CDH13: variants seen among roughly 807,000 people sequenced by gnomAD.
The protein encoded by CDH13 is cadherin 13, also known as cadherin-13.
CDH13 carries 24 observed loss-of-function variants against 63.8 expected under a neutral mutation model. That is an observed-to-expected ratio of 0.38 (90% CI 0.27 to 0.53). The LOEUF is 0.53. CDH13 is among the 20% of genes least tolerant of loss of function. The pLI, the probability that CDH13 is intolerant of heterozygous loss-of-function variation, is 0.85. For missense variants in CDH13, 1,049 were observed against 903.1 expected (o/e 1.16, Z -2.07); for synonymous variants, 503 against 355.3 (o/e 1.42, Z -4.67).
intron 13 of CDH13, among the ~76,000 whole-genome samples, chr16:83,785,901 G>A (rs1365102366): frequency 6.6e-6 from 1 of 152,128 alleles, no homozygotes; most frequent in Non-Finnish European, 1.5e-5. Flanking sequence ...CAGGCTCCTG[G>A]ACATTCTAAC....
chr16:82,857,888 C>T (rs143705117), intron 1 of CDH13, among the ~76,000 whole-genome samples: 1 of 152,170 alleles, frequency 6.6e-6, no homozygotes, highest in African/African-American at 2.4e-5. Flanking sequence ...GGTTCATGGT[C>T]ACCATATTGG....
intron 10 of CDH13, among the ~76,000 whole-genome samples, chr16:83,687,686 T>C (rs1461228149): frequency 2.0e-5 from 3 of 152,226 alleles, no homozygotes; most frequent in Non-Finnish European, 4.4e-5. Context: ...ACATTTACAT[T>C]TGGCCTTGTT....
At chr16:83,103,714 C>A (rs1325823974) in intron 3 of CDH13, among the ~76,000 whole-genome samples, 4 of 152,146 alleles carry the variant, frequency 2.6e-5, no homozygotes, top group East Asian at 3.9e-4. Context: ...GCCTCACTTT[C>A]CTCATCTGTA....
intron 8 of CDH13, among the ~76,000 whole-genome samples, chr16:83,646,900 TA>T (rs1911874634): frequency 6.6e-6 from 1 of 152,042 alleles, no homozygotes; most frequent in African/African-American, 2.4e-5. Context: ...CTTCACCTGC[TA>T]ATGAGGCCTG....
chr16:82,820,814 G>A (rs1004575432), intron 1 of CDH13, among the ~76,000 whole-genome samples: 7 of 152,134 alleles, frequency 4.6e-5, no homozygotes, highest in African/African-American at 1.4e-4. Flanking sequence ...GGCCCTGAAG[G>A]TAAATATTCC....
rs574355634 is a variant in CDH13 at position 82,740,815 on chromosome 16, C to G, written c.45+113678C>G. On this transcript the variant is annotated intron_variant, in intron 1 of 13. Coordinates refer to ENST00000567109, the MANE Select transcript of CDH13 (RefSeq NM_001257.5). ...AGTCCAATATCAATGGGGGAACATT[C>G]TGTTTGGAAGAACTTCAAAGCCTCA... is the stretch of plus-strand genomic sequence containing the variant. Among the ~76,000 whole-genome samples the G allele has an allele frequency of 2.9e-4, 44 of 152,298 alleles. No homozygotes were observed. The South Asian group carries it at 8.9e-3, about 31-fold the overall frequency.
chr16:82,822,552 A>T (rs1002581541), intron 1 of CDH13, among the ~76,000 whole-genome samples: 3 of 152,172 alleles, frequency 2.0e-5, no homozygotes, highest in African/African-American at 7.2e-5. Context: ...GCTGGAGTGC[A>T]GTGGTGCGAT....
chr16:83,779,440 T>TAAAAAA (rs1915362976), intron 11 of CDH13, among the ~76,000 whole-genome samples: 5 of 43,698 alleles, frequency 1.1e-4, no homozygotes, highest in East Asian at 5.3e-4. Flanking sequence ...AAAAAAAAAG[T>TAAAAAA]CTTATATATG....
At chr16:82,737,182 G>A (rs926562753) in intron 1 of CDH13, among the ~76,000 whole-genome samples, 1 of 152,230 alleles carries the variant, frequency 6.6e-6, no homozygotes, top group African/African-American at 2.4e-5. Flanking sequence ...CCAAAGGCAT[G>A]TGAACTCATC....
chr16:83,660,993 T>C (rs1159049431), intron 8 of CDH13, among the ~76,000 whole-genome samples: 3 of 152,076 alleles, frequency 2.0e-5, no homozygotes, highest in African/African-American at 7.2e-5. Flanking sequence ...TAATGTAATA[T>C]TTATTTAATC....
chr16:83,279,842 A>ATT (rs35396123), intron 5 of CDH13, among the ~76,000 whole-genome samples: 13,671 of 149,902 alleles, frequency 0.091, 657 homozygotes, highest in Non-Finnish European at 0.11. Context: ...GAGTCACATG[A>ATT]TTTTTTTTTT....
At chr16:83,426,907 C>CTTTCTTTTTTTTT (rs1340492091) in intron 6 of CDH13, among the ~76,000 whole-genome samples, 8 of 63,184 alleles carry the variant, frequency 1.3e-4, no homozygotes, top group Admixed American at 4.4e-4. Flanking sequence ...ATGTTTCTTT[C>CTTTCTTTTTTTTT]TTTTTTTTTT....
chr16:83,505,416 C>A (rs1218551392), intron 7 of CDH13, among the ~76,000 whole-genome samples: 1 of 152,098 alleles, frequency 6.6e-6, no homozygotes, highest in Non-Finnish European at 1.5e-5. Flanking sequence ...TCCCAGCCAG[C>A]CTGATAATGA....
At chr16:82,964,089 G>C (rs1287042359) in intron 2 of CDH13, among the ~76,000 whole-genome samples, 1 of 152,138 alleles carries the variant, frequency 6.6e-6, no homozygotes, top group African/African-American at 2.4e-5. Flanking sequence ...ATGACCCTCA[G>C]ACGCTGGAAC....
At chr16:83,023,004 C>T (rs1050706887) in intron 2 of CDH13, 7 of 152,182 alleles carry the variant, frequency 4.6e-5, no homozygotes, top group Non-Finnish European at 7.4e-5. Flanking sequence ...CTCCCTTATC[C>T]ATTTTTAGAT....
intron 2 of CDH13, among the ~76,000 whole-genome samples, chr16:82,948,167 A>G (rs1904936328): frequency 6.6e-6 from 1 of 152,168 alleles, no homozygotes; most frequent in African/African-American, 2.4e-5. Flanking sequence ...TTTGATTCCC[A>G]AAGCACCCGA....
chr16:83,682,229 C>T (rs1915466294), intron 10 of CDH13, among the ~76,000 whole-genome samples: 1 of 152,120 alleles, frequency 6.6e-6, no homozygotes, highest in South Asian at 2.1e-4. Flanking sequence ...GGGCAGGCTG[C>T]TCACAACAAT....
At chr16:83,199,095 T>C (rs375260271) in intron 4 of CDH13, among the ~76,000 whole-genome samples, 15 of 152,248 alleles carry the variant, frequency 9.9e-5, no homozygotes, top group African/African-American at 3.6e-4. Context: ...CCCGGGTACA[T>C]TTGCCTGGCT....
At chr16:83,378,563 G>A (rs1210033393) in intron 6 of CDH13, among the ~76,000 whole-genome samples, 3 of 152,140 alleles carry the variant, frequency 2.0e-5, no homozygotes, top group African/African-American at 7.2e-5. Flanking sequence ...CTGTGTACAT[G>A]GCCCAGAAGC....
Sources: allele counts gnomAD v4.1 joint callset (sites outside exome capture counted in the v4.1 genomes callset), GRCh38; gene constraint gnomAD v4.1.1; transcripts MANE v1.5; gene names NCBI Gene and HGNC (gene_info 2026-07-23, HGNC 2026-07-21).